The following DAPK2 variants were observed in gnomAD, a reference collection of about 807,000 sequenced individuals.
DAPK2 encodes death associated protein kinase 2, also known as death-associated protein kinase 2.
Under a neutral mutation model 44.1 loss-of-function variants are expected in DAPK2, and 35 were observed. That is an observed-to-expected ratio of 0.79 (90% CI 0.61 to 1.05). DAPK2 has a LOEUF of 1.05. Ranked by LOEUF, DAPK2 falls within the 50% of genes least tolerant of loss-of-function variation. The pLI is 0.00. For missense variants in DAPK2, 453 were observed against 483.2 expected (o/e 0.94, Z 0.59); for synonymous variants, 174 against 182.6 (o/e 0.95, Z 0.38).
chr15:63,980,749 T>C lies in DAPK2; in HGVS notation c.314+2784A>G, dbSNP rs1269183537. Among the ~76,000 whole-genome samples, 2 of 152,220 alleles carry C rather than the reference T, an allele frequency of 1.3e-5. No homozygotes were observed. Among genetic ancestry groups the C allele is most frequent in the Non-Finnish European group, 2.9e-5 (2 of 68,028 alleles). On this transcript the variant is annotated intron_variant, in intron 2 of 10. Coordinates refer to ENST00000261891, the Ensembl canonical transcript of DAPK2. The surrounding 1 kb of genome is among the most constrained non-coding windows in gnomAD (Gnocchi z 4.3). ...ACTATTTGTGCCCTACAAACTCGCA[T>C]TGAAATTTAATTCCCAATGCGGCCG...
At chr15:64,033,913 T>G (rs2080101403) in intron 1 of DAPK2, among the ~76,000 whole-genome samples, 1 of 143,120 alleles carries the variant, frequency 7.0e-6, no homozygotes, top group Non-Finnish European at 1.5e-5. Context: ...AGACTCTGTC[T>G]CAAAAAAAAA....
intron 2 of DAPK2, among the ~76,000 whole-genome samples, chr15:63,979,461 C>G (rs16947621): frequency 0.54 from 82,098 of 152,050 alleles, 22,820 homozygotes; most frequent in East Asian, 0.96. Flanking sequence ...GTGGGATCAG[C>G]GTAGACTCAT....
At chr15:63,934,210 C>T (rs186232831) in intron 4 of DAPK2, among the ~76,000 whole-genome samples, 475 of 148,410 alleles carry the variant, frequency 3.2e-3, no homozygotes, top group Admixed American at 5.1e-3. Context: ...TTAAACACTG[C>T]TGCATCTAAC....
At position 63,912,552 on chromosome 15, in the gene DAPK2, G is replaced by A. The variant is rs1337518001; in HGVS notation, c.859-355C>T. Among the ~76,000 whole-genome samples the A allele has an allele frequency of 1.3e-5, 2 of 152,242 alleles. No homozygotes were observed. The highest frequency in any genetic ancestry group is 2.4e-5 in the African/African-American group (1 of 41,454). On this transcript the variant is annotated intron_variant, in intron 8 of 10. Coordinates refer to ENST00000261891, the Ensembl canonical transcript of DAPK2. The surrounding 1 kb of genome is among the most constrained non-coding windows in gnomAD (Gnocchi z 4.4). ...TCTGGGATGCCCTCTGGGCACTGGG[G>A]TGATTCTGGGCTTGGCAAAACAAAT... is the stretch of plus-strand genomic sequence containing the variant.
chr15:63,983,961 G>A (rs2078603313), intron 1 of DAPK2, among the ~76,000 whole-genome samples: 1 of 152,306 alleles, frequency 6.6e-6, no homozygotes, highest in Middle Eastern at 3.4e-3. Flanking sequence ...CCTTCTATGA[G>A]GAATGAATGT....
chr15:64,033,062 G>C (rs1367644286), intron 1 of DAPK2, among the ~76,000 whole-genome samples: 3 of 151,710 alleles, frequency 2.0e-5, no homozygotes, highest in African/African-American at 7.3e-5. Context: ...CTCCAGCCTG[G>C]GTGACAGAGC....
intron 4 of DAPK2, among the ~76,000 whole-genome samples, chr15:63,938,595 C>T (rs2077224321): frequency 6.6e-6 from 1 of 152,248 alleles, no homozygotes; most frequent in South Asian, 2.1e-4. Flanking sequence ...GATGGTGGTT[C>T]TCAGCGCTCA....
intron 8 of DAPK2, chr15:63,922,631 A>T: frequency 7.0e-7 from 1 of 1,435,916 alleles, no homozygotes; most frequent in South Asian, 1.5e-5. Flanking sequence ...TATACTACAG[A>T]CACACACCCC....
intron 1 of DAPK2, among the ~76,000 whole-genome samples, chr15:64,038,511 C>T (rs2080269343): frequency 6.6e-6 from 1 of 152,176 alleles, no homozygotes. Context: ...ACCCCTTCAC[C>T]AGGCCCAAGA....
Position 63,908,176 on chromosome 15 carries a change from G to T in DAPK2, c.*344C>A, listed in dbSNP as rs578140502. ...TGAACCCCCTCAGCCTGTGAAGAAGGCTGCCTTAGTCTGACCTTCACCCCG... is the reference window on the plus strand; with the variant it reads ...TGAACCCCCTCAGCCTGTGAAGAAGTCTGCCTTAGTCTGACCTTCACCCCG... On this transcript the variant is annotated 3_prime_UTR_variant, in exon 11 of 11. Transcript: ENST00000261891. This position sits in a 1 kb window ranked among gnomAD's most constrained non-coding sequence, Gnocchi z 5.7. 9.8e-5 allele frequency: 17 copies of T among 172,986 alleles called. No homozygotes were observed. Among genetic ancestry groups the T allele is most frequent in the Middle Eastern group, 2.4e-3 (1 of 416 alleles). The allele number at this position is 172,986 out of a possible 1,614,324, so 10.7% of individuals were successfully genotyped here.
chr15:63,996,235 A>C (rs2078946491), intron 1 of DAPK2, among the ~76,000 whole-genome samples: 1 of 152,150 alleles, frequency 6.6e-6, no homozygotes, highest in Non-Finnish European at 1.5e-5. Flanking sequence ...GGAGTTGAAG[A>C]CCAGCCAGGG....
rs77251866 is a variant in DAPK2 at position 63,951,201 on chromosome 15, T to C, written c.454-11840A>G. Among the ~76,000 whole-genome samples, 804 of 152,174 alleles carry C rather than the reference T, an allele frequency of 5.3e-3. 10 individuals are homozygous for C. Among genetic ancestry groups the C allele is most frequent in the African/African-American group, 0.018 (752 of 41,518 alleles). The stretch of plus-strand genomic sequence containing the variant: ...AAGTTGGATCAGGCTTGGGTGCAGA[T>C]TGGGGGTGGAGGAAGGACATACCAT... On this transcript the variant is annotated intron_variant, in intron 3 of 10. Transcript: ENST00000261891.
chr15:63,926,185 CA>C, intron 6 of DAPK2, 92 bp from the exon 8 acceptor site: 1 of 1,451,290 alleles, frequency 6.9e-7, no homozygotes, highest in Non-Finnish European at 9.3e-7. Context: ...ATGACTGCTG[CA>C]GGGAGCTGGA....
At chr15:63,955,453 T>G (rs573221665) in intron 3 of DAPK2, among the ~76,000 whole-genome samples, 11 of 152,196 alleles carry the variant, frequency 7.2e-5, no homozygotes, top group African/African-American at 2.7e-4. Context: ...TTCTTTGATG[T>G]GTTTTTGTCT....
chr15:63,989,542 G>T (rs1337502252), intron 1 of DAPK2, among the ~76,000 whole-genome samples: 1 of 152,126 alleles, frequency 6.6e-6, no homozygotes, highest in Non-Finnish European at 1.5e-5. Flanking sequence ...TGAGGAGAGG[G>T]GCCCATCCCA....
chr15:63,976,117 T>C (rs2078339365), intron 2 of DAPK2, among the ~76,000 whole-genome samples: 1 of 152,196 alleles, frequency 6.6e-6, no homozygotes, highest in Non-Finnish European at 1.5e-5. Flanking sequence ...ACCTATGATA[T>C]GCTGTGACTT....
At chr15:64,009,141 A>T (rs762607479) in intron 1 of DAPK2, among the ~76,000 whole-genome samples, 2 of 152,068 alleles carry the variant, frequency 1.3e-5, no homozygotes, top group Admixed American at 6.5e-5. Flanking sequence ...ATTCTCCCTT[A>T]GTAGACTGTA....
At position 63,930,391 on chromosome 15, in the gene DAPK2, G is replaced by A; in HGVS notation, c.632+16C>T. The A allele has an allele frequency of 1.2e-6, 2 of 1,613,878 alleles. No individual in the cohort carries two copies. The highest frequency in any genetic ancestry group is 1.7e-6 in the Non-Finnish European group (2 of 1,179,744). ...GGAAGGATCGCTAGGTCACCTGAGT[G>A]GCCTATCCAACTTACCACATGTCAG... is the stretch of plus-strand genomic sequence containing the variant. On this transcript the variant is annotated intron_variant, in intron 5 of 10. Transcript: ENST00000261891.
In DAPK2 at chr15:63,916,921, C is replaced by A. The variant is rs1175837948; in HGVS notation, c.859-4724G>T. 6.6e-6 allele frequency: 1 copy of A among 152,190 alleles called. No individual in the cohort carries two copies. The highest frequency in any genetic ancestry group is 1.5e-5 in the Non-Finnish European group (1 of 68,058). The allele number at this position is 152,190 out of a possible 1,614,324, so 9.4% of individuals were successfully genotyped here. A position where few individuals can be genotyped will look rare whatever the true frequency, so the allele number is the denominator to read the frequency against. ...GTAGCAACCAAATGCCACATGTGGA[C>A]TGTTTGGATCCTGATTTGAACAAAC... On this transcript the variant is annotated intron_variant, in intron 8 of 10. Coordinates refer to ENST00000261891, the Ensembl canonical transcript of DAPK2. This position sits in a 1 kb window ranked among gnomAD's most constrained non-coding sequence, Gnocchi z 4.7.
Sources: gnomAD v4.1 joint callset for allele counts (sites outside exome capture counted in the v4.1 genomes callset) on GRCh38, gnomAD v4.1.1 for gene constraint, Gnocchi (gnomAD v3.1) non-coding constraint, MANE v1.5 for transcripts, NCBI Gene and HGNC (gene_info 2026-07-23, HGNC 2026-07-21) for gene names.